RARB: variants seen among roughly 807,000 people sequenced by gnomAD.
The protein encoded by RARB is retinoic acid receptor beta, also known as HBV-activated protein.
A neutral mutation model predicts 51.9 loss-of-function variants in RARB; 17 were observed. The ratio of observed to expected loss-of-function variants is 0.33; its 90% CI spans 0.22 to 0.49. RARB has a LOEUF of 0.49. Among genes scored for constraint, RARB ranks in the 20% least tolerant of loss-of-function variants. The probability of loss-of-function intolerance (pLI) is 0.99; values close to 1 mark genes in which losing one functional copy is unlikely to be tolerated. For missense variants in RARB, 369 were observed against 550.8 expected, an observed-to-expected ratio of 0.67 and a Z score of 3.30; for synonymous variants, 215 against 195.4, an observed-to-expected ratio of 1.10 and a Z score of -0.84.
At chr3:25,155,212 T>G (rs1437994026) in intron 4 of RARB, among the ~76,000 whole-genome samples, 3 of 152,224 alleles carry the variant, frequency 2.0e-5, no homozygotes, top group African/African-American at 7.2e-5. Flanking sequence ...TCTTCCATGC[T>G]CTCTGTTCTG....
intron 3 of RARB, among the ~76,000 whole-genome samples, chr3:25,131,668 T>C (rs562300558): frequency 3.2e-4 from 49 of 152,038 alleles, no homozygotes; most frequent in African/African-American, 1.1e-3. Flanking sequence ...CTATTCACCA[T>C]AGGAAATATA....
intron 5 of RARB, among the ~76,000 whole-genome samples, chr3:25,316,626 A>T (rs1484184220): frequency 6.6e-6 from 1 of 152,226 alleles, no homozygotes; most frequent in Non-Finnish European, 1.5e-5. Flanking sequence ...AGATGGTAAC[A>T]ATATTTTATG....
chr3:25,023,570 G>A (rs1252285297), intron 2 of RARB, among the ~76,000 whole-genome samples: 1 of 152,134 alleles, frequency 6.6e-6, no homozygotes, highest in Non-Finnish European at 1.5e-5. Context: ...TATCCTTCCT[G>A]TGTACCAATC....
At chr3:24,839,146 A>G (rs951532359) in intron 1 of RARB, among the ~76,000 whole-genome samples, 4 of 152,180 alleles carry the variant, frequency 2.6e-5, no homozygotes, top group Non-Finnish European at 5.9e-5. Flanking sequence ...ATTTACTCCA[A>G]TATAGTAAGA....
At chr3:25,109,992 C>G (rs1014530035) in intron 3 of RARB, among the ~76,000 whole-genome samples, 1 of 152,168 alleles carries the variant, frequency 6.6e-6, no homozygotes, top group African/African-American at 2.4e-5. Flanking sequence ...AAATTATTAC[C>G]TTATAATACT....
intron 2 of RARB, among the ~76,000 whole-genome samples, chr3:24,979,218 T>A (rs963436277): frequency 2.0e-5 from 3 of 152,206 alleles, no homozygotes; most frequent in Non-Finnish European, 2.9e-5. Context: ...CTGAGAAGAA[T>A]GTATATTCTG....
chr3:25,288,476 A>G (rs1294942517), intron 5 of RARB, among the ~76,000 whole-genome samples: 3 of 152,122 alleles, frequency 2.0e-5, no homozygotes. Flanking sequence ...CGTTCTTGGT[A>G]TTTTTGCTGC....
intron 5 of RARB, among the ~76,000 whole-genome samples, chr3:25,392,664 C>T (rs1025643079): frequency 1.3e-5 from 2 of 151,312 alleles, no homozygotes; most frequent in Non-Finnish European, 1.5e-5. Flanking sequence ...TAAAAGGGGT[C>T]GAGGTATTTA....
At chr3:24,962,066 A>C (rs1696153747) in intron 2 of RARB, among the ~76,000 whole-genome samples, 1 of 151,448 alleles carries the variant, frequency 6.6e-6, no homozygotes, top group Admixed American at 6.6e-5. Context: ...AGTAGCTGGG[A>C]CTACAGGTGC....
intron 1 of RARB, among the ~76,000 whole-genome samples, chr3:25,429,665 T>A (rs1459095067): frequency 4.0e-5 from 6 of 150,490 alleles, no homozygotes; most frequent in South Asian, 2.1e-4. Flanking sequence ...TAGCCCAATT[T>A]AAAAAAAAAA....
At chr3:24,860,737 A>G (rs1206343693) in intron 2 of RARB, among the ~76,000 whole-genome samples, 2 of 152,196 alleles carry the variant, frequency 1.3e-5, no homozygotes, top group Non-Finnish European at 2.9e-5. Context: ...AATTGAGACT[A>G]TTTAAAAAGG....
At chr3:24,991,998 C>A (rs1696922741) in intron 2 of RARB, among the ~76,000 whole-genome samples, 1 of 152,088 alleles carries the variant, frequency 6.6e-6, no homozygotes, top group African/African-American at 2.4e-5. Context: ...TCATGCCACC[C>A]CTTGCCTGGG....
chr3:25,237,863 G>A (rs1176229046), intron 5 of RARB, among the ~76,000 whole-genome samples: 1 of 151,836 alleles, frequency 6.6e-6, no homozygotes, highest in Admixed American at 6.6e-5. Flanking sequence ...TACAATATAT[G>A]GTCTGTTGTG....
intron 3 of RARB, among the ~76,000 whole-genome samples, chr3:25,553,516 A>T (rs964615854): frequency 2.0e-5 from 3 of 152,218 alleles, no homozygotes; most frequent in Non-Finnish European, 4.4e-5. Flanking sequence ...TAAAGGAAGA[A>T]TTGTGGAAGA....
At chr3:24,913,238 C>G (rs1471591538) in intron 2 of RARB, among the ~76,000 whole-genome samples, 1 of 151,898 alleles carries the variant, frequency 6.6e-6, no homozygotes, top group African/African-American at 2.4e-5. Flanking sequence ...CCCACCTTGG[C>G]CTCCCAAAGT....
At chr3:25,287,707 A>G (rs1182906872) in intron 5 of RARB, among the ~76,000 whole-genome samples, 1 of 152,192 alleles carries the variant, frequency 6.6e-6, no homozygotes, top group Non-Finnish European at 1.5e-5. Context: ...TCAATGGGAA[A>G]GTGGCCTAAT....
intron 5 of RARB, among the ~76,000 whole-genome samples, chr3:25,176,306 T>TTTCTTTCC (rs1700743151): frequency 4.3e-5 from 1 of 23,282 alleles, no homozygotes; most frequent in African/African-American, 1.2e-4. Flanking sequence ...TCTTTCTTTC[T>TTTCTTTCC]TTCTTTCTTT....
At chr3:24,840,974 T>G (rs1474626761) in intron 1 of RARB, among the ~76,000 whole-genome samples, 1 of 152,154 alleles carries the variant, frequency 6.6e-6, no homozygotes, top group African/African-American at 2.4e-5. Flanking sequence ...GCACTGTGAT[T>G]CACATGCAAT....
chr3:24,929,727 C>A (rs146302557), intron 2 of RARB, among the ~76,000 whole-genome samples: 4 of 152,100 alleles, frequency 2.6e-5, no homozygotes, highest in African/African-American at 7.2e-5. Context: ...GAGATCTGCC[C>A]CCTAGCACTT....
Sources: allele counts gnomAD v4.1 joint callset (sites outside exome capture counted in the v4.1 genomes callset), GRCh38; gene constraint gnomAD v4.1.1; transcripts MANE v1.5; gene names NCBI Gene and HGNC (gene_info 2026-07-23, HGNC 2026-07-21).